Variants in FHOD3 observed in about 807,000 individuals in gnomAD.
FHOD3 encodes the protein formin homology 2 domain containing 3.
A neutral mutation model predicts 173.0 loss-of-function variants in FHOD3; 90 were observed. The observed-to-expected ratio is 0.52, with a 90% CI of 0.44 to 0.62. The LOEUF is 0.62. FHOD3 is among the 20% of genes least tolerant of loss of function. FHOD3 has a pLI of 0.00. For synonymous variants in FHOD3, 828 were observed against 823.0 expected, an observed-to-expected ratio of 1.01 and a Z score of -0.10; for missense variants, 1,945 against 2,034.7, an observed-to-expected ratio of 0.96 and a Z score of 0.85.
At chr18:36,742,648 G>T (rs566871193) in intron 21 of FHOD3, 89 bp from the exon 22 acceptor site, 11 of 1,383,550 alleles carry the variant, frequency 8.0e-6, no homozygotes, top group Middle Eastern at 1.9e-4. Flanking sequence ...GGAGAACACC[G>T]TGTGTTATTC....
At chr18:36,308,546 C>T (rs750115628) in intron 1 of FHOD3, among the ~76,000 whole-genome samples, 4 of 152,144 alleles carry the variant, frequency 2.6e-5, no homozygotes, top group Non-Finnish European at 5.9e-5. Context: ...TTGTCTCTAC[C>T]CATTTTGAAG....
At chr18:36,652,509 T>C in intron 11 of FHOD3, 61 bp from the exon 12 acceptor site, 1 of 1,475,266 alleles carries the variant, frequency 6.8e-7, no homozygotes, top group Non-Finnish European at 9.0e-7. Flanking sequence ...TTTCCTAACC[T>C]TTGCTCCTTC....
chr18:36,340,001 C>T (rs72884291), intron 1 of FHOD3, among the ~76,000 whole-genome samples: 4,889 of 152,232 alleles, frequency 0.032, 102 homozygotes, highest in Non-Finnish European at 0.049. Flanking sequence ...GCACCCCTTC[C>T]CCTAGGTTTT....
intron 28 of FHOD3, among the ~76,000 whole-genome samples, chr18:36,777,394 G>T (rs1223989504): frequency 6.6e-6 from 1 of 151,946 alleles, no homozygotes; most frequent in African/African-American, 2.4e-5. Flanking sequence ...TAGAGATGGA[G>T]TTTCACCATG....
intron 6 of FHOD3, among the ~76,000 whole-genome samples, chr18:36,585,536 G>A (rs1039311377): frequency 6.6e-6 from 1 of 151,990 alleles, no homozygotes; most frequent in African/African-American, 2.4e-5. Flanking sequence ...AGGCCTCAAA[G>A]AGGGCAGCAG....
intron 24 of FHOD3, 58 bp from the exon 25 acceptor site, chr18:36,755,061 C>T (rs1213970355): frequency 9.1e-7 from 1 of 1,102,886 alleles, no homozygotes; most frequent in Non-Finnish European, 1.2e-6. Context: ...AGATTTTAGA[C>T]AAGTAATTTT....
At chr18:36,587,082 A>G (rs1320434545) in intron 6 of FHOD3, among the ~76,000 whole-genome samples, 2 of 152,156 alleles carry the variant, frequency 1.3e-5, no homozygotes, top group Non-Finnish European at 2.9e-5. Flanking sequence ...TCACAGATAC[A>G]GGGCATCTTC....
chr18:36,338,356 C>T lies in FHOD3; in HGVS notation c.166-17183C>T, dbSNP rs1246203954. Among the ~76,000 whole-genome samples, 6 of 152,068 alleles carry T rather than the reference C, an allele frequency of 3.9e-5. No individual in the cohort carries two copies. In the East Asian group the frequency reaches 9.6e-4, roughly 24 times the overall value. ...CCCTGGGGCTGCTGTAAAGGACAGC[C>T]CAGGGTTTCTGGATGTTTCCAACCT... On this transcript the variant is annotated intron_variant, in intron 1 of 28. Transcript: ENST00000590592.
In FHOD3 at chr18:36,612,294, G is replaced by A. The variant is rs536284313; in HGVS notation, c.957+199G>A. Among the ~76,000 whole-genome samples, 5 of 152,314 alleles carry A rather than the reference G, an allele frequency of 3.3e-5. No homozygotes were observed. In the South Asian group the frequency reaches 1.0e-3, roughly 32 times the overall value. ...AGACCATGTTATGACAAGCCTTCCA[G>A]GAGAGTCTGATGCATATTCAAGCTC... On this transcript the variant is annotated intron_variant, in intron 9 of 28. Transcript: ENST00000590592.
intron 5 of FHOD3, among the ~76,000 whole-genome samples, chr18:36,549,770 G>T (rs1368634861): frequency 6.8e-6 from 1 of 148,022 alleles, no homozygotes; most frequent in African/African-American, 2.5e-5. Context: ...GGATGGTCTC[G>T]ATCTCCTGAC....
At chr18:36,593,821 C>T (rs1376255703) in intron 6 of FHOD3, among the ~76,000 whole-genome samples, 1 of 152,204 alleles carries the variant, frequency 6.6e-6, no homozygotes, top group Non-Finnish European at 1.5e-5. Context: ...CCCCTCAAAG[C>T]GCATTTTGCC....
chr18:36,378,522 C>T (rs1173903566), intron 3 of FHOD3, among the ~76,000 whole-genome samples: 1 of 150,726 alleles, frequency 6.6e-6, no homozygotes, highest in Non-Finnish European at 1.5e-5. Context: ...TGGGTAGCTG[C>T]CTCTAAGGGG....
chr18:36,738,197 C>G (rs2041735054), intron 20 of FHOD3, among the ~76,000 whole-genome samples: 1 of 152,228 alleles, frequency 6.6e-6, no homozygotes, highest in African/African-American at 2.4e-5. Flanking sequence ...TATTGCATTG[C>G]AGGGAATCTA....
chr18:36,396,642 G>A (rs28579780), intron 3 of FHOD3, among the ~76,000 whole-genome samples: 7,426 of 152,016 alleles, frequency 0.049, 609 homozygotes, highest in African/African-American at 0.17. Context: ...ATTTTGAAAA[G>A]GTAGGTTATA....
chr18:36,602,823 C>T (rs1346609652), intron 8 of FHOD3, 55 bp downstream of exon 8: 1 of 1,322,930 alleles, frequency 7.6e-7, no homozygotes, highest in Non-Finnish European at 1.1e-6. Context: ...TATGTTAAAG[C>T]CCTGACCCCT....
intron 10 of FHOD3, among the ~76,000 whole-genome samples, chr18:36,644,094 T>A (rs565237847): frequency 6.6e-6 from 1 of 152,266 alleles, no homozygotes; most frequent in South Asian, 2.1e-4. Flanking sequence ...CTTTTCCAAC[T>A]TGAAAACGGT....
chr18:36,557,091 A>G (rs2057917224), intron 5 of FHOD3, among the ~76,000 whole-genome samples: 1 of 152,034 alleles, frequency 6.6e-6, no homozygotes, highest in South Asian at 2.1e-4. Flanking sequence ...GTTCTTCTGT[A>G]TCAATGGTTT....
At chr18:36,328,999 TG>T (rs1368551218) in intron 1 of FHOD3, among the ~76,000 whole-genome samples, 13 of 152,210 alleles carry the variant, frequency 8.5e-5, no homozygotes, top group Non-Finnish European at 1.9e-4. Flanking sequence ...TAGATGGTCT[TG>T]GTCTTTAAAG....
intron 15 of FHOD3, among the ~76,000 whole-genome samples, chr18:36,686,784 G>T (rs2038648995): frequency 6.6e-6 from 1 of 152,120 alleles, no homozygotes; most frequent in Non-Finnish European, 1.5e-5. Flanking sequence ...ACCTCCAAAA[G>T]CTATTGCTTG....
Sources: allele counts gnomAD v4.1 joint callset (sites outside exome capture counted in the v4.1 genomes callset), GRCh38; gene constraint gnomAD v4.1.1; transcripts MANE v1.5; gene names NCBI Gene and HGNC (gene_info 2026-07-23, HGNC 2026-07-21).